Variants in AGBL1 observed in about 807,000 individuals in gnomAD.
The protein encoded by AGBL1 is AGBL carboxypeptidase 1, also known as cytosolic carboxypeptidase 4.
AGBL1 carries 130 observed loss-of-function variants against 118.9 expected under a neutral mutation model. That is an observed-to-expected ratio of 1.09 (90% CI 0.95 to 1.26). The LOEUF is 1.26. Ranked by LOEUF, AGBL1 falls within the 50% of genes most tolerant of loss-of-function variation. The pLI is 0.00. For missense variants in AGBL1, 1,584 were observed against 1,298.1 expected (o/e 1.22, Z -3.38); for synonymous variants, 555 against 478.9 (o/e 1.16, Z -2.08).
At chr15:86,240,266 T>C (rs1694995256) in intron 6 of AGBL1, among the ~76,000 whole-genome samples, 1 of 152,240 alleles carries the variant, frequency 6.6e-6, no homozygotes, top group African/African-American at 2.4e-5. Context: ...TAAATAAATA[T>C]TCACGTTGTA....
intron 17 of AGBL1, among the ~76,000 whole-genome samples, chr15:86,389,816 GA>G (rs563095543): frequency 0.013 from 1,952 of 151,760 alleles, 17 homozygotes; most frequent in Non-Finnish European, 0.022. Context: ...GAAACAATGG[GA>G]AAAAAACAAT....
intron 22 of AGBL1, among the ~76,000 whole-genome samples, chr15:86,760,308 G>A (rs2078005615): frequency 6.6e-6 from 1 of 151,946 alleles, no homozygotes; most frequent in Non-Finnish European, 1.5e-5. Flanking sequence ...TCAGCCTTGG[G>A]GAGAATTAGG....
chr15:86,999,467 C>T (rs1458103515), intron 24 of AGBL1, among the ~76,000 whole-genome samples: 4 of 146,648 alleles, frequency 2.7e-5, no homozygotes, highest in East Asian at 2.0e-4. Context: ...TGAGAATATG[C>T]GGTGTTTGGT....
rs1051472847 is a variant in AGBL1 at position 86,810,765 on chromosome 15, T to C, written c.3159-96322T>C. On this transcript the variant is annotated intron_variant, in intron 22 of 22. Transcript: ENST00000614907. Reference sequence around the variant, plus strand: ...TGTCCTTACTCTTAAATTTCAGCTTTTGTCTCTAAAACATCCATAAGCTCA... The same window carrying C: ...TGTCCTTACTCTTAAATTTCAGCTTCTGTCTCTAAAACATCCATAAGCTCA... Among the ~76,000 whole-genome samples the C allele has an allele frequency of 4.6e-5, 7 of 152,280 alleles. No homozygotes were observed. The South Asian group carries it at 1.5e-3, about 32-fold the overall frequency.
At chr15:86,803,848 A>G (rs548141778) in intron 22 of AGBL1, among the ~76,000 whole-genome samples, 4 of 152,264 alleles carry the variant, frequency 2.6e-5, no homozygotes, top group South Asian at 2.1e-4. Flanking sequence ...TGCTTCTGGT[A>G]TCTGTTGGGT....
Position 86,154,524 on chromosome 15 carries a change from C to G in AGBL1, c.357C>G (p.Leu119=), listed in dbSNP as rs374388706. The G allele has an allele frequency of 6.2e-7, 1 of 1,612,750 alleles. No individual in the cohort carries two copies. Among genetic ancestry groups the G allele is most frequent in the Non-Finnish European group, 8.5e-7 (1 of 1,179,388 alleles). The change falls in exon 4 of 23, where the codon CTC becomes CTG. Residue 119 remains leucine, a synonymous_variant. Coordinates refer to ENST00000614907, the MANE Select transcript of AGBL1 (RefSeq NM_001386094.1). ...ACCTATCCCATGGCCAGAATCTCCTCCACTGTCTCTGGGCTCTGCGTGTGT... is the reference window on the plus strand; with the variant it reads ...ACCTATCCCATGGCCAGAATCTCCTGCACTGTCTCTGGGCTCTGCGTGTGT... ...RKNLSHGQNL[L]HCLWALRVFA...
intron 21 of AGBL1, among the ~76,000 whole-genome samples, chr15:86,561,176 A>G (rs552919759): frequency 1.4e-4 from 22 of 152,216 alleles, no homozygotes; most frequent in African/African-American, 5.3e-4. Flanking sequence ...TTTTGTTGCC[A>G]TTGCTTTTGG....
chr15:86,654,223 A>C (rs1242495166), intron 21 of AGBL1, among the ~76,000 whole-genome samples: 1 of 152,160 alleles, frequency 6.6e-6, no homozygotes, highest in Non-Finnish European at 1.5e-5. Context: ...CATCTGGATC[A>C]CATTCCTTGT....
chr15:86,161,272 C>T (rs1373999388), intron 5 of AGBL1, among the ~76,000 whole-genome samples: 2 of 152,170 alleles, frequency 1.3e-5, no homozygotes, highest in Non-Finnish European at 2.9e-5. Flanking sequence ...TTCCACCAAC[C>T]GTTACAATAT....
intron 22 of AGBL1, among the ~76,000 whole-genome samples, chr15:86,818,568 C>T (rs1041825975): frequency 3.9e-5 from 6 of 152,120 alleles, no homozygotes; most frequent in Non-Finnish European, 8.8e-5. Flanking sequence ...GGTCCTGATG[C>T]CAAAAGGTTG....
At chr15:86,738,763 C>G (rs546677177) in intron 22 of AGBL1, among the ~76,000 whole-genome samples, 1 of 152,126 alleles carries the variant, frequency 6.6e-6, no homozygotes, top group African/African-American at 2.4e-5. Flanking sequence ...CTTTAATATG[C>G]TAGAGTGCAT....
At chr15:86,293,767 G>T (rs1313539153) in intron 16 of AGBL1, among the ~76,000 whole-genome samples, 1 of 151,862 alleles carries the variant, frequency 6.6e-6, no homozygotes, top group African/African-American at 2.4e-5. Flanking sequence ...TTATATATTT[G>T]TCAATATTTT....
At chr15:86,273,275 T>A (rs1241445960) in intron 15 of AGBL1, among the ~76,000 whole-genome samples, 1 of 152,152 alleles carries the variant, frequency 6.6e-6, no homozygotes, top group African/African-American at 2.4e-5. Flanking sequence ...CCAATGCTGA[T>A]AGCTTTTAGA....
At chr15:86,388,602 A>G (rs886196399) in intron 17 of AGBL1, among the ~76,000 whole-genome samples, 2 of 152,136 alleles carry the variant, frequency 1.3e-5, no homozygotes. Flanking sequence ...AAGTCTTCCA[A>G]TTCATACTTT....
At chr15:86,931,919 A>G (rs979449606) in intron 23 of AGBL1, among the ~76,000 whole-genome samples, 1 of 152,250 alleles carries the variant, frequency 6.6e-6, no homozygotes, top group African/African-American at 2.4e-5. Context: ...GCAGTAAAAA[A>G]AAATCAAGTG....
At chr15:86,996,512 G>A (rs972534770) in intron 24 of AGBL1, among the ~76,000 whole-genome samples, 10 of 152,268 alleles carry the variant, frequency 6.6e-5, no homozygotes, top group Admixed American at 3.3e-4. Context: ...TGAGGTGGGA[G>A]GATAGCCTGA....
intron 5 of AGBL1, among the ~76,000 whole-genome samples, chr15:86,180,904 A>G (rs1215184433): frequency 6.6e-6 from 1 of 152,156 alleles, no homozygotes; most frequent in South Asian, 2.1e-4. Flanking sequence ...GATAGCAAAT[A>G]TGCACATAAA....
At chr15:86,719,220 T>G (rs542335254) in intron 22 of AGBL1, among the ~76,000 whole-genome samples, 1 of 152,206 alleles carries the variant, frequency 6.6e-6, no homozygotes, top group Non-Finnish European at 1.5e-5. Flanking sequence ...TGGCTTTTTC[T>G]TCCCCCAGTT....
At chr15:86,873,112 G>T (rs930723950) in intron 22 of AGBL1, among the ~76,000 whole-genome samples, 7 of 152,190 alleles carry the variant, frequency 4.6e-5, no homozygotes, top group Non-Finnish European at 8.8e-5. Context: ...TTTTTCACTG[G>T]TGGTTTCTTT....
Sources: allele counts gnomAD v4.1 joint callset (sites outside exome capture counted in the v4.1 genomes callset), GRCh38; gene constraint gnomAD v4.1.1; transcripts MANE v1.5; gene names NCBI Gene and HGNC (gene_info 2026-07-23, HGNC 2026-07-21).